Variants in AGBL1 observed in about 807,000 individuals in gnomAD.
The protein encoded by AGBL1 is cytosolic carboxypeptidase 4.
In AGBL1, 130 loss-of-function variants were observed where a neutral mutation model predicts 118.9. The observed-to-expected ratio is 1.09, with a 90% CI of 0.95 to 1.26. The LOEUF (loss-of-function observed/expected upper bound fraction) is 1.26. Ranked by LOEUF, AGBL1 falls within the 50% of genes most tolerant of loss-of-function variation. AGBL1 has a pLI of 0.00. For missense variants in AGBL1, 1,584 were observed against 1,298.1 expected (o/e 1.22, Z -3.38); for synonymous variants, 555 against 478.9 (o/e 1.16, Z -2.08).
At chr15:86,096,452 A>G (rs897574863) in intron 1 of AGBL1, among the ~76,000 whole-genome samples, 1 of 152,156 alleles carries the variant, frequency 6.6e-6, no homozygotes, top group African/African-American at 2.4e-5. Flanking sequence ...CTAAATCTAG[A>G]TCATATACTC....
chr15:86,867,691 T>G (rs768544513), intron 22 of AGBL1, among the ~76,000 whole-genome samples: 5 of 152,124 alleles, frequency 3.3e-5, no homozygotes, highest in African/African-American at 4.8e-5. Flanking sequence ...AGGCTCAATT[T>G]TATTGTTCAT....
intron 1 of AGBL1, 108 bp downstream of exon 1, chr15:86,080,131 T>G (rs1414651972): frequency 1.2e-6 from 1 of 849,074 alleles, no homozygotes; most frequent in Admixed American, 4.3e-5. Flanking sequence ...CTGGCCCAGT[T>G]TGTTAACAGC....
intron 22 of AGBL1, among the ~76,000 whole-genome samples, chr15:86,873,361 T>C (rs2079756800): frequency 6.6e-6 from 1 of 152,170 alleles, no homozygotes; most frequent in Non-Finnish European, 1.5e-5. Context: ...CCATAAGATA[T>C]TAATAATGAG....
intron 23 of AGBL1, among the ~76,000 whole-genome samples, chr15:86,936,162 G>T (rs1167650752): frequency 6.6e-6 from 1 of 152,182 alleles, no homozygotes; most frequent in Admixed American, 6.5e-5. Context: ...CCACACTCGA[G>T]AGAGCCCATC....
In AGBL1 at chr15:86,284,254, T is replaced by C. The variant is rs138754613; in HGVS notation, c.2220+4471T>C. ...ATTACAAAGGCTACTGATGGTTTTC[T>C]TGGGGTAATTGATTATGATTATTTT... On this transcript the variant is annotated intron_variant, in intron 16 of 22. Transcript: ENST00000614907. Among the ~76,000 whole-genome samples, 1,364 of 151,354 alleles carry C rather than the reference T, an allele frequency of 9.0e-3. 54 individuals carry two copies. Among genetic ancestry groups the C allele is most frequent in the East Asian group, 0.052 (268 of 5,178 alleles).
chr15:86,327,208 C>A (rs1247013036), intron 17 of AGBL1, among the ~76,000 whole-genome samples: 1 of 151,896 alleles, frequency 6.6e-6, no homozygotes, highest in Non-Finnish European at 1.5e-5. Context: ...GCGGACTGAC[C>A]CAATGTGGAG....
chr15:86,539,004 T>G (rs564845127), intron 19 of AGBL1, among the ~76,000 whole-genome samples: 1 of 152,224 alleles, frequency 6.6e-6, no homozygotes, highest in African/African-American at 2.4e-5. Context: ...ATGGAACTCA[T>G]GTTTGCATGA....
chr15:86,854,873 T>C (rs1272706717), intron 22 of AGBL1, among the ~76,000 whole-genome samples: 1 of 152,160 alleles, frequency 6.6e-6, no homozygotes, highest in Non-Finnish European at 1.5e-5. Context: ...AAACATTACA[T>C]AGTTGCAATT....
At chr15:86,354,626 T>C (rs1423472569) in intron 17 of AGBL1, among the ~76,000 whole-genome samples, 2 of 152,222 alleles carry the variant, frequency 1.3e-5, no homozygotes, top group Admixed American at 1.3e-4. Flanking sequence ...AAATGACAGT[T>C]GAAGTTTAGT....
intron 18 of AGBL1, among the ~76,000 whole-genome samples, chr15:86,400,410 A>G (rs928359991): frequency 6.6e-6 from 1 of 150,428 alleles, no homozygotes; most frequent in African/African-American, 2.4e-5. Flanking sequence ...CTCTGGGTAT[A>G]TTCTTATTAA....
intron 3 of AGBL1, among the ~76,000 whole-genome samples, chr15:86,151,555 C>T (rs1389556395): frequency 2.0e-5 from 3 of 152,114 alleles, no homozygotes; most frequent in East Asian, 3.9e-4. Flanking sequence ...TATGACAAAC[C>T]CACAGCCGAT....
At chr15:86,550,079 G>C (rs1221621952) in intron 20 of AGBL1, among the ~76,000 whole-genome samples, 2 of 151,852 alleles carry the variant, frequency 1.3e-5, no homozygotes, top group Non-Finnish European at 2.9e-5. Flanking sequence ...CAAGATTAAA[G>C]AAAAGTAAAC....
chr15:86,180,545 A>C (rs1457540632), intron 5 of AGBL1, among the ~76,000 whole-genome samples: 2 of 152,164 alleles, frequency 1.3e-5, no homozygotes, highest in African/African-American at 4.8e-5. Context: ...CATAGACTTA[A>C]ATGTGCAACC....
intron 22 of AGBL1, among the ~76,000 whole-genome samples, chr15:86,701,939 C>T (rs2142648665): frequency 6.7e-6 from 1 of 148,804 alleles, no homozygotes; most frequent in Admixed American, 6.7e-5. Context: ...CCCCTCCCCT[C>T]CTCTATCCCT....
At chr15:86,940,120 C>G (rs892312) in intron 23 of AGBL1, among the ~76,000 whole-genome samples, 97,893 of 136,972 alleles carry the variant, frequency 0.71, 35,883 homozygotes, top group South Asian at 0.88. Flanking sequence ...TGTTGCTCAG[C>G]CTGGGCTCGA....
At chr15:86,746,792 A>G (rs927282790) in intron 22 of AGBL1, among the ~76,000 whole-genome samples, 1 of 152,040 alleles carries the variant, frequency 6.6e-6, no homozygotes, top group African/African-American at 2.4e-5. Context: ...ACTTCAGTCT[A>G]TTGGCCGAAA....
At chr15:87,028,393 AT>A (rs1165055690) in intron 24 of AGBL1, among the ~76,000 whole-genome samples, 8 of 151,986 alleles carry the variant, frequency 5.3e-5, no homozygotes, top group African/African-American at 2.4e-5. Context: ...GTTGAATTAA[AT>A]TTATTCAAGT....
chr15:86,376,388 C>A (rs545325336), intron 17 of AGBL1, among the ~76,000 whole-genome samples: 2 of 152,276 alleles, frequency 1.3e-5, no homozygotes, highest in African/African-American at 4.8e-5. Context: ...AAAGTTATTA[C>A]ACTCAGTGAT....
At chr15:86,211,709 T>C (rs376831438) in intron 5 of AGBL1, among the ~76,000 whole-genome samples, 1 of 152,196 alleles carries the variant, frequency 6.6e-6, no homozygotes, top group South Asian at 2.1e-4. Context: ...CACAGTATTT[T>C]GGTGGGAGCG....
Sources: allele counts gnomAD v4.1 joint callset (sites outside exome capture counted in the v4.1 genomes callset), GRCh38; gene constraint gnomAD v4.1.1; transcripts MANE v1.5; gene names NCBI Gene and HGNC (gene_info 2026-07-23, HGNC 2026-07-21).